Variants in MROH2B observed in about 807,000 individuals in gnomAD.
The protein encoded by MROH2B is maestro heat like repeat family member 2B.
MROH2B carries 177 observed loss-of-function variants against 208.6 expected under a neutral mutation model. That is an observed-to-expected ratio of 0.85 (90% CI 0.75 to 0.96). The LOEUF (loss-of-function observed/expected upper bound fraction) is 0.96. MROH2B is among the 40% of genes least tolerant of loss of function. The pLI is 0.00. For synonymous variants in MROH2B, 728 were observed against 659.0 expected, an observed-to-expected ratio of 1.10 and a Z score of -1.60; for missense variants, 2,002 against 1,878.7, an observed-to-expected ratio of 1.07 and a Z score of -1.21.
intron 24 of MROH2B, among the ~76,000 whole-genome samples, chr5:41,028,190 A>T (rs1171184675): frequency 2.0e-5 from 3 of 152,098 alleles, no homozygotes; most frequent in South Asian, 4.1e-4. Context: ...AGTATATATA[A>T]AAAAAGATAT....
chr5:41,014,168 C>A (rs1056759510), intron 29 of MROH2B, among the ~76,000 whole-genome samples: 2 of 152,114 alleles, frequency 1.3e-5, no homozygotes, highest in African/African-American at 4.8e-5. Flanking sequence ...TTTACTGCTA[C>A]CTGTGGAAAA....
chr5:41,048,373 C>T lies in MROH2B; in HGVS notation c.1635G>A (p.Leu545=). 6.2e-7 allele frequency: 1 copy of T among 1,613,578 alleles called. No homozygotes were observed. Among genetic ancestry groups the T allele is most frequent in the South Asian group, 1.1e-5 (1 of 91,040 alleles). ...KILPEIIHPK[L]VDLWKTRLPE... is the part of the protein sequence containing the mutation. ...GTAAACGTGTTTTCCATAGGTCTAC[C>T]AATTTTGGGTGAATTATCTCAGGCA... The change falls in exon 16 of 42, where the codon TTG becomes TTA. Residue 545 remains leucine, a synonymous_variant. Transcript: ENST00000399564.
In MROH2B at chr5:41,008,630, T is replaced by TGG; in HGVS notation, c.3583_3584insCC (p.Gln1195ProfsTer16). The TGG allele has an allele frequency of 1.2e-6, 2 of 1,613,864 alleles. No individual in the cohort carries two copies. Among genetic ancestry groups the TGG allele is most frequent in the Non-Finnish European group, 1.7e-6 (2 of 1,179,826 alleles). ...CCTGCAGGGGTCTGGGATCTGCTGCTGTTCTCCCTGCTGCATCACATGCCG... is the reference window on the plus strand; with the variant it reads ...CCTGCAGGGGTCTGGGATCTGCTGCTGGGTTCTCCCTGCTGCATCACATGCCG... On this transcript the variant is annotated frameshift_variant, in exon 33 of 42. Transcript: ENST00000399564. LOFTEE classifies it high-confidence loss of function.
chr5:41,057,177 A>G lies in MROH2B; in HGVS notation c.851T>C (p.Ile284Thr). 1 of 1,613,920 alleles carries G rather than the reference A, an allele frequency of 6.2e-7. No individual in the cohort carries two copies. Among genetic ancestry groups the G allele is most frequent in the Non-Finnish European group, 8.5e-7 (1 of 1,179,838 alleles). The part of the protein sequence containing the change: ...RSIFINLLQQ[I>T]CRAPEPPVKE... Reference sequence around the variant, plus strand: ...TACTGGAGGCTCTGGAGCTCTGCAGATCTGAATGGGGGTGGAAATCAGGTG... The same window carrying G: ...TACTGGAGGCTCTGGAGCTCTGCAGGTCTGAATGGGGGTGGAAATCAGGTG... The change falls in exon 9 of 42, where the codon ATC becomes ACC. Residue 284 changes from isoleucine to threonine, a missense_variant and splice_region_variant. By Grantham distance (89) the Ile-to-Thr change is moderately conservative. Coordinates refer to ENST00000399564, the MANE Select transcript of MROH2B (RefSeq NM_173489.5).
chr5:41,047,755 A>G lies in MROH2B; in HGVS notation c.1694T>C (p.Ile565Thr). 1.3e-6 allele frequency: 2 copies of G among 1,591,274 alleles called. No homozygotes were observed. Among genetic ancestry groups the G allele is most frequent in the Non-Finnish European group, 1.7e-6 (2 of 1,167,802 alleles). ...CATGGTTTCCCATAGAACGGTACTGATGTTCTTTCCTAGAAACAAAAATTG... is the reference window on the plus strand; with the variant it reads ...CATGGTTTCCCATAGAACGGTACTGGTGTTCTTTCCTAGAAACAAAAATTG... ...ELLQPLEGKN[I>T]STVLWETMLL... The change falls in exon 17 of 42, where the codon ATC becomes ACC. Residue 565 changes from isoleucine (I) to threonine (T), a missense_variant. Coordinates refer to ENST00000399564, the MANE Select transcript of MROH2B (RefSeq NM_173489.5).
chr5:41,030,433 A>G (rs375709902), intron 24 of MROH2B, among the ~76,000 whole-genome samples: 3 of 152,182 alleles, frequency 2.0e-5, no homozygotes, highest in East Asian at 1.9e-4. Context: ...AAGGATCTCT[A>G]CAAGGAAAAC....
intron 10 of MROH2B, 127 bp from the exon 11 acceptor site, chr5:41,054,967 G>T (rs1475719247): frequency 3.7e-6 from 2 of 535,774 alleles, no homozygotes; most frequent in South Asian, 3.9e-5. Context: ...CAACCTATTT[G>T]TTTTTCAATG....
intron 6 of MROH2B, 74 bp downstream of exon 6, chr5:41,061,496 A>C: frequency 7.8e-7 from 1 of 1,280,110 alleles, no homozygotes; most frequent in Non-Finnish European, 1.0e-6. Context: ...CCTAATTATC[A>C]TGTCACAAAG....
intron 21 of MROH2B, among the ~76,000 whole-genome samples, chr5:41,036,996 T>C (rs564019404): frequency 9.7e-4 from 148 of 152,272 alleles, no homozygotes; most frequent in Non-Finnish European, 1.8e-3. Context: ...TGAAAGTGTA[T>C]AGTAATCTTT....
At chr5:41,044,315 G>A (rs764116952) in intron 18 of MROH2B, among the ~76,000 whole-genome samples, 1 of 151,684 alleles carries the variant, frequency 6.6e-6, no homozygotes, top group Non-Finnish European at 1.5e-5. Context: ...GCCTAGTTGA[G>A]ATTAGATGAC....
At chr5:41,026,863 G>A (rs1742380804) in intron 24 of MROH2B, among the ~76,000 whole-genome samples, 1 of 152,178 alleles carries the variant, frequency 6.6e-6, no homozygotes, top group South Asian at 2.1e-4. Context: ...GAATGGAACA[G>A]AGCCCTCAGA....
chr5:41,018,633 G>C, intron 26 of MROH2B, 58 bp downstream of exon 26: 1 of 1,577,422 alleles, frequency 6.3e-7, no homozygotes, highest in Middle Eastern at 1.7e-4. Flanking sequence ...GTTTGGAGTG[G>C]ACATTGAAGA....
intron 30 of MROH2B, among the ~76,000 whole-genome samples, chr5:41,011,324 G>A (rs1322370348): frequency 3.3e-5 from 5 of 152,086 alleles, no homozygotes; most frequent in Non-Finnish European, 7.4e-5. Context: ...CAGATTTCCA[G>A]GTCAATGATG....
chr5:41,033,193 G>A, intron 22 of MROH2B, 33 bp from the exon 23 acceptor site: 1 of 1,609,112 alleles, frequency 6.2e-7, no homozygotes. Context: ...GCAAGTCAAG[G>A]TCTAAGACAC....
At chr5:41,039,815 A>G (rs1742887419) in intron 19 of MROH2B, among the ~76,000 whole-genome samples, 1 of 152,194 alleles carries the variant, frequency 6.6e-6, no homozygotes, top group African/African-American at 2.4e-5. Flanking sequence ...AGTGCTATGA[A>G]GATAAGTAAA....
chr5:41,061,567 C>T lies in MROH2B; in HGVS notation c.615+3G>A, dbSNP rs779383619. Reference sequence around the variant, plus strand: ...AGCTTGAGGCATCCTGAGGCCCACTCACCTGCATGGGTGAGGCCAAAGGGG... The same window carrying T: ...AGCTTGAGGCATCCTGAGGCCCACTTACCTGCATGGGTGAGGCCAAAGGGG... On this transcript the variant is annotated splice_donor_region_variant and intron_variant, in intron 6 of 41. Transcript: ENST00000399564. 6.2e-7 allele frequency: 1 copy of T among 1,608,376 alleles called. No homozygotes were observed. Among genetic ancestry groups the T allele is most frequent in the Non-Finnish European group, 8.5e-7 (1 of 1,177,282 alleles).
chr5:41,057,983 G>A, intron 7 of MROH2B, 80 bp downstream of exon 7: 1 of 1,350,198 alleles, frequency 7.4e-7, no homozygotes, highest in Non-Finnish European at 9.7e-7. Flanking sequence ...AAGCTCCTTA[G>A]GGTCTTTTGA....
intron 37 of MROH2B, 28 bp from the exon 38 acceptor site, chr5:41,000,861 A>T (rs1375476521): frequency 5.0e-6 from 8 of 1,594,756 alleles, no homozygotes; most frequent in East Asian, 2.2e-5. Context: ...TGTCGTGGTG[A>T]ATATCCTCTC....
At chr5:41,024,786 T>C (rs908829464) in intron 24 of MROH2B, among the ~76,000 whole-genome samples, 3 of 152,194 alleles carry the variant, frequency 2.0e-5, no homozygotes, top group African/African-American at 7.2e-5. Flanking sequence ...TAGCTGGAAG[T>C]AAAGCTCTCC....
Sources: gnomAD v4.1 joint callset for allele counts (sites outside exome capture counted in the v4.1 genomes callset) on GRCh38, gnomAD v4.1.1 for gene constraint, MANE v1.5 for transcripts, NCBI Gene and HGNC (gene_info 2026-07-23, HGNC 2026-07-21) for gene names.